The following PDE8B variants were observed in gnomAD, a reference collection of about 807,000 sequenced individuals.
The protein encoded by PDE8B is phosphodiesterase 8B.
In PDE8B, 26 loss-of-function variants were observed where a neutral mutation model predicts 101.3. That is an observed-to-expected ratio of 0.26 (90% CI 0.19 to 0.36). The LOEUF (loss-of-function observed/expected upper bound fraction) is 0.36. Ranked by LOEUF, PDE8B falls within the 10% of genes least tolerant of loss-of-function variation. The probability of loss-of-function intolerance (pLI) is 1.00; values close to 1 mark genes in which losing one functional copy is unlikely to be tolerated. For missense variants in PDE8B, 810 were observed against 1,163.1 expected (o/e 0.70, Z 4.42); for synonymous variants, 424 against 429.3 (o/e 0.99, Z 0.15).
rs114830693 is a variant in PDE8B, at chr5:77,295,945, A to G, written c.340-16049A>G. Among the ~76,000 whole-genome samples the G allele has an allele frequency of 7.1e-3, 1,079 of 152,308 alleles. 14 individuals carry two copies. The highest frequency in any genetic ancestry group is 0.024 in the African/African-American group (1,010 of 41,544). On this transcript the variant is annotated intron_variant, in intron 1 of 21. Coordinates refer to ENST00000264917, the MANE Select transcript of PDE8B (RefSeq NM_003719.5). ...TTTCTTTTTGATAAACAGTGAGAAT[A>G]TTTATTAAAAGTAGAATAGCTTTTT... is the stretch of plus-strand genomic sequence containing the variant.
At chr5:77,224,027 G>A (rs1345978867) in intron 1 of PDE8B, among the ~76,000 whole-genome samples, 3 of 152,158 alleles carry the variant, frequency 2.0e-5, no homozygotes, top group South Asian at 2.1e-4. Flanking sequence ...TCACTACAGC[G>A]GTATCTCTTC....
chr5:77,364,839 G>A (rs1581256618), intron 10 of PDE8B, among the ~76,000 whole-genome samples: 1 of 152,176 alleles, frequency 6.6e-6, no homozygotes. Flanking sequence ...ACTATGGCAC[G>A]ATGAAGAGAA....
At chr5:77,099,278 T>A in the PDE8B span, among the ~76,000 whole-genome samples, 1 of 152,216 alleles carries the variant, frequency 6.6e-6, no homozygotes, top group Non-Finnish European at 1.5e-5. Flanking sequence ...GTTTTAAATA[T>A]ACCACCTCAG....
Position 77,210,912 on chromosome 5 carries a change from A to C in PDE8B, c.-14A>C. ...GCGGGCGCGGGCGGGCGCGCGGGGGAGCCCGGCCGAGGGATGGGCTGCGCC... is the reference window on the plus strand; with the variant it reads ...GCGGGCGCGGGCGGGCGCGCGGGGGCGCCCGGCCGAGGGATGGGCTGCGCC... On this transcript the variant is annotated 5_prime_UTR_variant, in exon 1 of 22. Coordinates refer to ENST00000264917, the MANE Select transcript of PDE8B (RefSeq NM_003719.5). This position sits in a 1 kb window ranked among gnomAD's most constrained non-coding sequence, Gnocchi z 4.9. The C allele has an allele frequency of 7.3e-7, 1 of 1,366,458 alleles. No homozygotes were observed. The highest frequency in any genetic ancestry group is 9.4e-7 in the Non-Finnish European group (1 of 1,059,518). 84.6% of individuals were successfully genotyped at this position (1,366,458 alleles called of 1,614,324 possible). A position where few individuals can be genotyped will look rare whatever the true frequency, so the allele number is the denominator to read the frequency against.
At chr5:77,394,096 C>G (rs187643950) in intron 10 of PDE8B, among the ~76,000 whole-genome samples, 1 of 152,294 alleles carries the variant, frequency 6.6e-6, no homozygotes, top group African/African-American at 2.4e-5. Flanking sequence ...AGTAAGAATA[C>G]TCATGAAAAG....
chr5:77,133,876 C>T, the PDE8B span, among the ~76,000 whole-genome samples: 1 of 152,164 alleles, frequency 6.6e-6, no homozygotes, highest in Non-Finnish European at 1.5e-5. Flanking sequence ...TAAACTTTTG[C>T]ATCTCCAATA....
At chr5:77,244,605 A>G (rs1422089151) in intron 1 of PDE8B, among the ~76,000 whole-genome samples, 1 of 152,166 alleles carries the variant, frequency 6.6e-6, no homozygotes, top group East Asian at 1.9e-4. Context: ...ACCAACCTGT[A>G]TATAGTTCTC....
chr5:77,250,605 G>A (rs1368798432), intron 1 of PDE8B, among the ~76,000 whole-genome samples: 2 of 152,130 alleles, frequency 1.3e-5, no homozygotes, highest in African/African-American at 4.8e-5. Flanking sequence ...TCCATGTGAC[G>A]ATGACTTTTG....
At chr5:77,398,399 G>GCAA (rs1367262144) in intron 10 of PDE8B, among the ~76,000 whole-genome samples, 2 of 141,736 alleles carry the variant, frequency 1.4e-5, no homozygotes, top group African/African-American at 5.4e-5. Flanking sequence ...TCTGCTCACT[G>GCAA]CAACCTCTGC....
chr5:77,088,204 T>C, the PDE8B span: 1 of 152,212 alleles, frequency 6.6e-6, no homozygotes, highest in African/African-American at 2.4e-5. Context: ...GACGGACGGG[T>C]GCAGGAGCCA....
the PDE8B span, among the ~76,000 whole-genome samples, chr5:77,120,270 A>T: frequency 6.6e-6 from 1 of 152,246 alleles, no homozygotes; most frequent in Non-Finnish European, 1.5e-5. Context: ...ATGTGGGCGT[A>T]CAAGTAGGAG....
At chr5:77,190,883 T>G in the PDE8B span, among the ~76,000 whole-genome samples, 1 of 152,236 alleles carries the variant, frequency 6.6e-6, no homozygotes, top group East Asian at 1.9e-4. Flanking sequence ...TATTATCTTA[T>G]GCTTGGTGGT....
At chr5:77,109,482 C>T in the PDE8B span, among the ~76,000 whole-genome samples, 1 of 152,222 alleles carries the variant, frequency 6.6e-6, no homozygotes, top group Non-Finnish European at 1.5e-5. Context: ...TGACCTTATA[C>T]CTCATTCCCA....
chr5:77,248,082 A>G (rs2149596568), intron 1 of PDE8B, among the ~76,000 whole-genome samples: 1 of 152,384 alleles, frequency 6.6e-6, no homozygotes, highest in Non-Finnish European at 1.5e-5. Context: ...AGGTAGGTGC[A>G]GAGAAGTGAA....
intron 12 of PDE8B, among the ~76,000 whole-genome samples, 153 bp from the exon 13 acceptor site, chr5:77,407,220 GGGCTACCA>G (rs2151058110): frequency 6.6e-6 from 1 of 152,294 alleles, no homozygotes; most frequent in South Asian, 2.1e-4. Context: ...AGTAGCAGTT[GGGCTACCA>G]GCCTTGGCAG....
the PDE8B span, among the ~76,000 whole-genome samples, chr5:77,168,487 C>A: frequency 3.3e-5 from 5 of 152,254 alleles, no homozygotes; most frequent in South Asian, 4.1e-4. Context: ...GCCACTTGTG[C>A]CCTGGTGGGA....
At chr5:77,288,504 G>A (rs1301447727) in intron 1 of PDE8B, among the ~76,000 whole-genome samples, 6 of 151,972 alleles carry the variant, frequency 3.9e-5, no homozygotes, top group East Asian at 3.8e-4. Context: ...TTGGAGAGTC[G>A]GCCCAAGAAA....
At chr5:77,315,927 G>A (rs1433035462) in intron 2 of PDE8B, among the ~76,000 whole-genome samples, 4 of 151,424 alleles carry the variant, frequency 2.6e-5, no homozygotes. Flanking sequence ...ACAAAAGATT[G>A]CAGATACTTT....
chr5:77,247,351 G>A (rs961523715), intron 1 of PDE8B, among the ~76,000 whole-genome samples: 13 of 152,188 alleles, frequency 8.5e-5, no homozygotes, highest in African/African-American at 2.7e-4. Flanking sequence ...TCCTGGCACT[G>A]CAGTCACGCA....
Sources: allele counts gnomAD v4.1 joint callset (sites outside exome capture counted in the v4.1 genomes callset), GRCh38; gene constraint gnomAD v4.1.1; non-coding constraint Gnocchi (gnomAD v3.1); transcripts MANE v1.5; gene names NCBI Gene and HGNC (gene_info 2026-07-23, HGNC 2026-07-21).